The following FOXO3B variants were observed in gnomAD, a reference collection of about 807,000 sequenced individuals.
FOXO3B encodes forkhead box protein O3B.
In FOXO3B, 15 loss-of-function variants were observed where a neutral mutation model predicts 21.9. The ratio of observed to expected loss-of-function variants is 0.68; its 90% CI spans 0.46 to 1.05. The LOEUF is 1.05. Among genes scored for constraint, FOXO3B ranks in the 50% least tolerant of loss-of-function variants. The pLI is 0.00. For missense variants in FOXO3B, 293 were observed against 435.5 expected (o/e 0.67, Z 2.91); for synonymous variants, 135 against 213.6 (o/e 0.63, Z 3.21).
rs2032373787 is a variant in FOXO3B at position 18,671,913 on chromosome 17, G to A, written c.*396C>T. On this transcript the variant is annotated 3_prime_UTR_variant, in exon 4 of 4. Coordinates refer to ENST00000395675, the MANE Select transcript of FOXO3B (RefSeq NM_001368135.1). The stretch of plus-strand genomic sequence containing the variant: ...GCATGGGCGAGAGAGGCGCATCGTC[G>A]TCCTGGACTTCATCCAACTCTGTGC... 4 of 1,613,466 alleles carry A rather than the reference G, an allele frequency of 2.5e-6. No homozygotes were observed. The South Asian group carries it at 3.3e-5, about 13-fold the overall frequency.
At chr17:18,680,202 G>C (rs2032560040) in intron 3 of FOXO3B, among the ~76,000 whole-genome samples, 1 of 152,230 alleles carries the variant, frequency 6.6e-6, no homozygotes, top group Non-Finnish European at 1.5e-5. Flanking sequence ...ATAAAAGTAA[G>C]TTGCAGGCAT....
chr17:18,676,552 A>C (rs1044590962), intron 3 of FOXO3B, among the ~76,000 whole-genome samples: 5 of 152,362 alleles, frequency 3.3e-5, no homozygotes, highest in African/African-American at 1.2e-4. Flanking sequence ...AAAGTGTAAC[A>C]ATAAAACATA....
rs982340027 is a variant in FOXO3B, at chr17:18,668,756, C to T, written c.*3553G>A. ...TACTACTGCCTCTGCAATGCATCCCCACCCAGGGCAGCATCCCTTAGGAAG... is the reference window on the plus strand; with the variant it reads ...TACTACTGCCTCTGCAATGCATCCCTACCCAGGGCAGCATCCCTTAGGAAG... On this transcript the variant is annotated 3_prime_UTR_variant, in exon 4 of 4. Transcript: ENST00000395675. 18 of 152,202 alleles carry T rather than the reference C, an allele frequency of 1.2e-4. No homozygotes were observed. The highest frequency in any genetic ancestry group is 1.2e-3 in the Admixed American group (18 of 15,280). The allele number at this position is 152,202 out of a possible 1,614,324, so 9.4% of individuals were successfully genotyped here. A position where few individuals can be genotyped will look rare whatever the true frequency, so the allele number is the denominator to read the frequency against.
chr17:18,673,406 C>A (rs2032417195), intron 3 of FOXO3B, among the ~76,000 whole-genome samples: 1 of 152,182 alleles, frequency 6.6e-6, no homozygotes, highest in Non-Finnish European at 1.5e-5. Context: ...ACCACCACAT[C>A]CGGCCAATTA....
Position 18,671,673 on chromosome 17 carries a change from G to T in FOXO3B, c.*636C>A. The T allele has an allele frequency of 6.2e-7, 1 of 1,613,922 alleles. No homozygotes were observed. On this transcript the variant is annotated 3_prime_UTR_variant, in exon 4 of 4. Transcript: ENST00000395675. Reference sequence around the variant, plus strand: ...TGGGGAGCTCAGGCCCGAGCCCTTGGTGGTATACGGGAAGCTAGAACTCCG... The same window carrying T: ...TGGGGAGCTCAGGCCCGAGCCCTTGTTGGTATACGGGAAGCTAGAACTCCG...
chr17:18,681,056 TG>T (rs1222039823), intron 2 of FOXO3B, among the ~76,000 whole-genome samples: 2 of 151,942 alleles, frequency 1.3e-5, no homozygotes, highest in Non-Finnish European at 2.9e-5. Flanking sequence ...TTCTGTAAGA[TG>T]GCATCCTCTG....
At chr17:18,673,850 A>G (rs910612732) in intron 3 of FOXO3B, among the ~76,000 whole-genome samples, 14 of 150,942 alleles carry the variant, frequency 9.3e-5, no homozygotes, top group African/African-American at 3.0e-4. Flanking sequence ...CAAAAAATAT[A>G]TGAAGGAAAA....
chr17:18,679,178 T>C (rs2032542616), intron 3 of FOXO3B, among the ~76,000 whole-genome samples: 1 of 152,214 alleles, frequency 6.6e-6, no homozygotes, highest in Non-Finnish European at 1.5e-5. Context: ...TAGTCAATAG[T>C]TACTTCTTTT....
At chr17:18,679,699 T>G (rs1002719216) in intron 3 of FOXO3B, among the ~76,000 whole-genome samples, 1 of 152,056 alleles carries the variant, frequency 6.6e-6, no homozygotes, top group African/African-American at 2.4e-5. Flanking sequence ...CTGCCCGCCT[T>G]AGCCTCTCAA....
At position 18,680,900 on chromosome 17, in the gene FOXO3B, G is replaced by A; in HGVS notation, c.38-71C>T. The A allele has an allele frequency of 4.1e-6, 6 of 1,480,110 alleles. No homozygotes were observed. The South Asian group carries it at 4.8e-5, about 12-fold the overall frequency. The allele number at this position is 1,480,110 out of a possible 1,614,324, so 91.7% of individuals were successfully genotyped here. On this transcript the variant is annotated intron_variant, in intron 2 of 3. Coordinates refer to ENST00000395675, the MANE Select transcript of FOXO3B (RefSeq NM_001368135.1). ...CACTCAGATTTAAAGTCTAAAAACCGCTTCAACATACTATATGTGCTGCCT... is the reference window on the plus strand; with the variant it reads ...CACTCAGATTTAAAGTCTAAAAACCACTTCAACATACTATATGTGCTGCCT...
At position 18,672,561 on chromosome 17, in the gene FOXO3B, A is replaced by G. The variant is rs1331482161; in HGVS notation, c.621T>C (p.Gly207=). 1 of 1,436,900 alleles carries G rather than the reference A, an allele frequency of 7.0e-7. No individual in the cohort carries two copies. Among genetic ancestry groups the G allele is most frequent in the Non-Finnish European group, 9.1e-7 (1 of 1,102,444 alleles). 89.0% of individuals were successfully genotyped at this position (1,436,900 alleles called of 1,614,324 possible). The change falls in exon 4 of 4, where the codon GGT becomes GGC. Residue 207 remains glycine, a synonymous_variant. Coordinates refer to ENST00000395675, the MANE Select transcript of FOXO3B (RefSeq NM_001368135.1). The surrounding 1 kb of genome is among the most constrained non-coding windows in gnomAD (Gnocchi z 4.2). ...PATAAGGLSG[G]TQALLQPQQP... is the part of the protein sequence containing the mutation. ...GCTGAGGCTGCAGCAGCGCCTGTGT[A>G]CCCCCGCTCAGCCCGCCCGCCGCGG...
Position 18,670,960 on chromosome 17 carries a change from C to A in FOXO3B, c.*1349G>T. ...TGCTTAGCACCAGTGAAGTTCCCCACGTTCAAACCAACAACATTCTGTGTG... is the reference window on the plus strand; with the variant it reads ...TGCTTAGCACCAGTGAAGTTCCCCAAGTTCAAACCAACAACATTCTGTGTG... On this transcript the variant is annotated 3_prime_UTR_variant, in exon 4 of 4. Coordinates refer to ENST00000395675, the MANE Select transcript of FOXO3B (RefSeq NM_001368135.1). 1 of 1,368,708 alleles carries A rather than the reference C, an allele frequency of 7.3e-7. No individual in the cohort carries two copies. The highest frequency in any genetic ancestry group is 1.0e-6 in the Non-Finnish European group (1 of 997,296). The allele number at this position is 1,368,708 out of a possible 1,614,324, so 84.8% of individuals were successfully genotyped here.
chr17:18,678,918 G>C (rs1168454548), intron 3 of FOXO3B, among the ~76,000 whole-genome samples: 1 of 151,972 alleles, frequency 6.6e-6, no homozygotes, highest in Non-Finnish European at 1.5e-5. Flanking sequence ...TCTCATCCAG[G>C]AATGGGCCTA....
Position 18,668,529 on chromosome 17 carries a change from C to T in FOXO3B, c.*3780G>A, listed in dbSNP as rs2151733250. 6.5e-6 allele frequency: 1 copy of T among 152,736 alleles called. No individual in the cohort carries two copies. The highest frequency in any genetic ancestry group is 1.9e-4 in the East Asian group (1 of 5,190). 9.5% of individuals were successfully genotyped at this position (152,736 alleles called of 1,614,324 possible). On this transcript the variant is annotated 3_prime_UTR_variant, in exon 4 of 4. Transcript: ENST00000395675. ...AATTCAACATTTTAAAGTTGAAACA[C>T]ATTGGAGGGTTGCCTTTCTCACTCC...
chr17:18,672,786 G>A lies in FOXO3B; in HGVS notation c.396C>T (p.Pro132=), dbSNP rs551318948. 62 of 1,559,886 alleles carry A rather than the reference G, an allele frequency of 4.0e-5. No individual in the cohort carries two copies. The South Asian group carries it at 6.8e-4, about 17-fold the overall frequency. Residue 132 remains proline, a synonymous_variant, in exon 4 of 4, where the codon CCC becomes CCT. Coordinates refer to ENST00000395675, the MANE Select transcript of FOXO3B (RefSeq NM_001368135.1). This position sits in a 1 kb window ranked among gnomAD's most constrained non-coding sequence, Gnocchi z 4.2. ...RPELQASPAK[P]SGETAADSMI... ...TGGAGTCGGCGGCCGTCTCCCCCGA[G>A]GGCTTGGCAGGGCTCGCTTGGAGCT...
rs2032378044 is a variant in FOXO3B at position 18,672,065 on chromosome 17, G to A, written c.*244C>T. ...GTGGGGCTGCCAGACCACTTGGAGAGCTGGGAGGGACTGTCGTCAGCTGAT... is the reference window on the plus strand; with the variant it reads ...GTGGGGCTGCCAGACCACTTGGAGAACTGGGAGGGACTGTCGTCAGCTGAT... On this transcript the variant is annotated 3_prime_UTR_variant, in exon 4 of 4. Transcript: ENST00000395675. The surrounding 1 kb of genome is among the most constrained non-coding windows in gnomAD (Gnocchi z 4.2). 6.2e-7 allele frequency: 1 copy of A among 1,610,854 alleles called. No individual in the cohort carries two copies. Among genetic ancestry groups the A allele is most frequent in the African/African-American group, 1.3e-5 (1 of 74,786 alleles).
intron 3 of FOXO3B, among the ~76,000 whole-genome samples, chr17:18,674,907 A>G (rs541492089): frequency 3.3e-5 from 5 of 152,308 alleles, no homozygotes; most frequent in African/African-American, 1.2e-4. Context: ...TTTACATAAA[A>G]AGCTTGCCAG....
Position 18,671,723 on chromosome 17 carries a change from T to C in FOXO3B, c.*586A>G. ...GCTGCATGAGTCCCCCAGTGGGCGA[T>C]GGCTGGGATGGCGGGAGCGTGATGT... On this transcript the variant is annotated 3_prime_UTR_variant, in exon 4 of 4. Coordinates refer to ENST00000395675, the MANE Select transcript of FOXO3B (RefSeq NM_001368135.1). 1 of 1,613,820 alleles carries C rather than the reference T, an allele frequency of 6.2e-7. No homozygotes were observed. Among genetic ancestry groups the C allele is most frequent in the Non-Finnish European group, 8.5e-7 (1 of 1,179,976 alleles).
intron 3 of FOXO3B, chr17:18,677,587 A>G: frequency 1.2e-6 from 2 of 1,603,250 alleles, no homozygotes; most frequent in Non-Finnish European, 1.7e-6. Flanking sequence ...GGCAGGGCCA[A>G]AGCCGGGCGG....
Sources: gnomAD v4.1 joint callset for allele counts (sites outside exome capture counted in the v4.1 genomes callset) on GRCh38, gnomAD v4.1.1 for gene constraint, Gnocchi (gnomAD v3.1) non-coding constraint, MANE v1.5 for transcripts, NCBI Gene and HGNC (gene_info 2026-07-23, HGNC 2026-07-21) for gene names.